Variants in RASGRF1 observed in about 807,000 individuals in gnomAD.
RASGRF1 encodes Ras protein specific guanine nucleotide releasing factor 1.
A neutral mutation model predicts 138.7 loss-of-function variants in RASGRF1; 40 were observed. The observed-to-expected ratio is 0.29, with a 90% CI of 0.22 to 0.38. The LOEUF (loss-of-function observed/expected upper bound fraction) is 0.38. RASGRF1 is among the 10% of genes least tolerant of loss of function. The probability of loss-of-function intolerance (pLI) is 1.00; values close to 1 mark genes in which losing one functional copy is unlikely to be tolerated. For missense variants in RASGRF1, 1,108 were observed against 1,650.4 expected, an observed-to-expected ratio of 0.67 and a Z score of 5.69; for synonymous variants, 614 against 663.2, an observed-to-expected ratio of 0.93 and a Z score of 1.14.
At position 78,973,510 on chromosome 15, in the gene RASGRF1, T is replaced by C. The variant is rs1253551202; in HGVS notation, c.3495-90A>G. On this transcript the variant is annotated intron_variant, in intron 24 of 26. Transcript: ENST00000558480. This position sits in a 1 kb window ranked among gnomAD's most constrained non-coding sequence, Gnocchi z 4.9. ...AACATCCCGCATGCACCTTTTGCTTTGCTAGAGGCAAAGGGACTTGCAGTC... is the reference window on the plus strand; with the variant it reads ...AACATCCCGCATGCACCTTTTGCTTCGCTAGAGGCAAAGGGACTTGCAGTC... The C allele has an allele frequency of 2.0e-6, 2 of 976,566 alleles. No homozygotes were observed. Among genetic ancestry groups the C allele is most frequent in the Non-Finnish European group, 3.2e-6 (2 of 631,792 alleles). 60.5% of individuals were successfully genotyped at this position (976,566 alleles called of 1,614,324 possible).
intron 1 of RASGRF1, among the ~76,000 whole-genome samples, chr15:79,089,114 G>A (rs543181637): frequency 2.0e-5 from 3 of 152,298 alleles, no homozygotes; most frequent in South Asian, 4.1e-4. Flanking sequence ...TTGAGATCTC[G>A]GTTGTCTTTT....
Position 78,979,348 on chromosome 15 carries a change from T to G in RASGRF1, c.3494+1272A>C. On this transcript the variant is annotated intron_variant, in intron 24 of 26. Coordinates refer to ENST00000558480, the MANE Select transcript of RASGRF1 (RefSeq NM_001145648.3). ...GGTGAGCAGTCTGTCAAAGCCACTG[T>G]CAAGGGCTGGAGGTTTTGGCTGGCC... 3 of 451,802 alleles carry G rather than the reference T, an allele frequency of 6.6e-6. No individual in the cohort carries two copies. In the Middle Eastern group the frequency reaches 1.1e-3, roughly 164 times the overall value. The allele number at this position is 451,802 out of a possible 1,614,324, so 28.0% of individuals were successfully genotyped here. A position where few individuals can be genotyped will look rare whatever the true frequency, so the allele number is the denominator to read the frequency against.
intron 1 of RASGRF1, among the ~76,000 whole-genome samples, chr15:79,083,549 C>T (rs919190332): frequency 6.6e-6 from 1 of 152,234 alleles, no homozygotes; most frequent in Non-Finnish European, 1.5e-5. Context: ...GCCGCCTTCA[C>T]AAAAATCACT....
chr15:79,090,033 G>T (rs1356911780), intron 1 of RASGRF1, among the ~76,000 whole-genome samples, 190 bp downstream of exon 1: 1 of 152,170 alleles, frequency 6.6e-6, no homozygotes, highest in Admixed American at 6.5e-5. Flanking sequence ...CTCAATCCCT[G>T]CCCCCTCTGC....
At chr15:78,970,266 A>T (rs2055725361) in intron 26 of RASGRF1, among the ~76,000 whole-genome samples, 1 of 152,068 alleles carries the variant, frequency 6.6e-6, no homozygotes, top group Admixed American at 6.5e-5. Flanking sequence ...CATGCCTGTA[A>T]TCTCAACACT....
At chr15:79,076,515 C>CT (rs1180365911) in intron 1 of RASGRF1, among the ~76,000 whole-genome samples, 3 of 152,198 alleles carry the variant, frequency 2.0e-5, no homozygotes, top group Non-Finnish European at 4.4e-5. Flanking sequence ...GTTCACCCAT[C>CT]TGAGGCTCCT....
chr15:79,002,548 CATACACACACAT>C (rs2056555895), intron 15 of RASGRF1, among the ~76,000 whole-genome samples: 1 of 152,192 alleles, frequency 6.6e-6, no homozygotes, highest in Admixed American at 6.5e-5. Flanking sequence ...AACAAATACA[CATACACACACAT>C]ATACACACAC....
At position 78,973,602 on chromosome 15, in the gene RASGRF1, G is replaced by C. The variant is rs1324439789; in HGVS notation, c.3495-182C>G. Among the ~76,000 whole-genome samples the C allele has an allele frequency of 6.6e-6, 1 of 152,124 alleles. No homozygotes were observed. The highest frequency in any genetic ancestry group is 1.5e-5 in the Non-Finnish European group (1 of 68,008). Reference sequence around the variant, plus strand: ...GCCCAGGACTGTCGGCTGGGTCTCAGGGCCAGTCCTCTGGGGTGGTGGGGG... The same window carrying C: ...GCCCAGGACTGTCGGCTGGGTCTCACGGCCAGTCCTCTGGGGTGGTGGGGG... On this transcript the variant is annotated intron_variant, in intron 24 of 26. Transcript: ENST00000558480. The surrounding 1 kb of genome is among the most constrained non-coding windows in gnomAD (Gnocchi z 4.9).
chr15:79,054,514 T>C (rs73477325), intron 3 of RASGRF1, among the ~76,000 whole-genome samples: 13,462 of 152,158 alleles, frequency 0.088, 724 homozygotes, highest in East Asian at 0.16. Context: ...TCCCAGATCC[T>C]CTGAAGTTGG....
intron 1 of RASGRF1, among the ~76,000 whole-genome samples, chr15:79,083,222 T>C (rs192038126): frequency 1.5e-3 from 224 of 152,322 alleles, no homozygotes; most frequent in African/African-American, 5.1e-3. Flanking sequence ...GGCTGTACTC[T>C]CCTCTCTGAG....
intron 26 of RASGRF1, 115 bp downstream of exon 26, chr15:78,971,751 G>T: frequency 1.0e-6 from 1 of 990,284 alleles, no homozygotes; most frequent in Non-Finnish European, 1.6e-6. Flanking sequence ...TTTGAGCTGG[G>T]CTCGAGAGAA....
At chr15:79,031,321 G>T in intron 8 of RASGRF1, 79 bp downstream of exon 8, 1 of 1,107,508 alleles carries the variant, frequency 9.0e-7, no homozygotes, top group Non-Finnish European at 1.3e-6. Flanking sequence ...TTTGTCAGGG[G>T]TTCAGCGAAC....
At chr15:79,010,803 A>C (rs2056780146) in intron 13 of RASGRF1, among the ~76,000 whole-genome samples, 1 of 152,156 alleles carries the variant, frequency 6.6e-6, no homozygotes, top group African/African-American at 2.4e-5. Context: ...GGAGCCTGGC[A>C]GGTGGAAGGA....
At chr15:79,017,515 A>G (rs2056895696) in intron 12 of RASGRF1, among the ~76,000 whole-genome samples, 1 of 152,124 alleles carries the variant, frequency 6.6e-6, no homozygotes, top group Non-Finnish European at 1.5e-5. Flanking sequence ...TTTTAAAATC[A>G]CCTTGCTAGG....
At position 78,973,152 on chromosome 15, in the gene RASGRF1, G is replaced by T; in HGVS notation, c.3612+151C>A. 1 of 647,576 alleles carries T rather than the reference G, an allele frequency of 1.5e-6. No individual in the cohort carries two copies. Among genetic ancestry groups the T allele is most frequent in the Non-Finnish European group, 2.7e-6 (1 of 365,238 alleles). 40.1% of individuals were successfully genotyped at this position (647,576 alleles called of 1,614,324 possible). ...CTAACTGCTCATCAATGATAGTGAT[G>T]GCTGTCATTGGGGAAGCTGGACCCA... On this transcript the variant is annotated intron_variant, in intron 25 of 26. Coordinates refer to ENST00000558480, the MANE Select transcript of RASGRF1 (RefSeq NM_001145648.3). The surrounding 1 kb of genome is among the most constrained non-coding windows in gnomAD (Gnocchi z 4.9).
chr15:78,996,203 G>A (rs979860196), intron 19 of RASGRF1, among the ~76,000 whole-genome samples: 2 of 152,230 alleles, frequency 1.3e-5, no homozygotes, highest in African/African-American at 4.8e-5. Context: ...CACAGGGAGT[G>A]GGGAGGCAGC....
In RASGRF1 at chr15:79,006,464, T is replaced by C; in HGVS notation, c.1827-30A>G. 6.3e-7 allele frequency: 1 copy of C among 1,597,964 alleles called. No homozygotes were observed. Among genetic ancestry groups the C allele is most frequent in the Non-Finnish European group, 8.5e-7 (1 of 1,174,928 alleles). On this transcript the variant is annotated intron_variant, in intron 13 of 26. Coordinates refer to ENST00000558480, the MANE Select transcript of RASGRF1 (RefSeq NM_001145648.3). This position sits in a 1 kb window ranked among gnomAD's most constrained non-coding sequence, Gnocchi z 4.0. ...GAGGGGAGGAAGGATGCAGAGGTGA[T>C]GTGGGTCTAAAGGCATCTGAATGGC...
At chr15:79,036,972 G>A (rs963132877) in intron 5 of RASGRF1, among the ~76,000 whole-genome samples, 20 of 152,116 alleles carry the variant, frequency 1.3e-4, no homozygotes, top group Non-Finnish European at 2.9e-5. Flanking sequence ...TCACTTCTGA[G>A]TGTGGATCCC....
intron 12 of RASGRF1, among the ~76,000 whole-genome samples, chr15:79,016,772 C>A (rs955921179): frequency 4.6e-5 from 7 of 152,140 alleles, no homozygotes; most frequent in Non-Finnish European, 1.0e-4. Flanking sequence ...AGGCTGGGAG[C>A]GGCAGTCAGG....
Sources: allele counts gnomAD v4.1 joint callset (sites outside exome capture counted in the v4.1 genomes callset), GRCh38; gene constraint gnomAD v4.1.1; non-coding constraint Gnocchi (gnomAD v3.1); transcripts MANE v1.5; gene names NCBI Gene and HGNC (gene_info 2026-07-23, HGNC 2026-07-21).